The following GPR55 variants were observed in gnomAD, a reference collection of about 807,000 sequenced individuals.
The protein encoded by GPR55 is G protein-coupled receptor 55, also known as G-protein coupled receptor 55.
Under a neutral mutation model 7.9 loss-of-function variants are expected in GPR55, and 6 were observed. The observed-to-expected ratio is 0.76, with a 90% confidence interval of 0.41 to 1.49. GPR55 has a LOEUF of 1.49. Ranked by LOEUF, GPR55 falls within the 40% of genes most tolerant of loss-of-function variation. GPR55 has a pLI of 0.01. For synonymous variants in GPR55, 183 were observed against 166.8 expected (o/e 1.10, Z -0.75); for missense variants, 376 against 406.0 (o/e 0.93, Z 0.63).
chr2:230,938,124 G>A (rs1691161699), intron 1 of GPR55, among the ~76,000 whole-genome samples: 1 of 132,798 alleles, frequency 7.5e-6, no homozygotes, highest in Non-Finnish European at 1.6e-5. Context: ...TCCAGCCTGG[G>A]AGACAGAACA....
intron 1 of GPR55, among the ~76,000 whole-genome samples, chr2:230,952,898 C>T (rs1691426232): frequency 6.6e-6 from 1 of 152,218 alleles, no homozygotes; most frequent in Non-Finnish European, 1.5e-5. Flanking sequence ...CCGATGTCTG[C>T]GTCCTCTGCT....
At chr2:230,953,610 ATT>A (rs1245025854) in intron 1 of GPR55, among the ~76,000 whole-genome samples, 1 of 152,192 alleles carries the variant, frequency 6.6e-6, no homozygotes, top group East Asian at 1.9e-4. Flanking sequence ...AAGATAATAA[ATT>A]TGTGTTATTT....
upstream of GPR55, chr2:230,929,789 C>A (rs761356260): frequency 1.3e-5 from 2 of 152,242 alleles, no homozygotes; most frequent in African/African-American, 4.8e-5. Context: ...GGTCTCTGTA[C>A]GTCCCAAGTT....
intron 1 of GPR55, among the ~76,000 whole-genome samples, chr2:230,931,689 C>G (rs964107144): frequency 1.3e-5 from 2 of 152,182 alleles, no homozygotes; most frequent in African/African-American, 4.8e-5. Flanking sequence ...ACTTCACAGT[C>G]TGGCCTCACG....
chr2:230,909,703 A>G lies in GPR55; in HGVS notation c.*300T>C, dbSNP rs1270825076. 3.4e-6 allele frequency: 1 copy of G among 297,424 alleles called. No individual in the cohort carries two copies. The highest frequency in any genetic ancestry group is 6.3e-6 in the Non-Finnish European group (1 of 159,318). The allele number at this position is 297,424 out of a possible 1,614,324, so 18.4% of individuals were successfully genotyped here. A position where few individuals can be genotyped will look rare whatever the true frequency, so the allele number is the denominator to read the frequency against. ...GAGAGTTGGAAACAGCCTTGTTGAC[A>G]TGGTCTCATTCTCTTTCTCAATTCT... On this transcript the variant is annotated 3_prime_UTR_variant, in exon 2 of 2. Transcript: ENST00000650999.
intron 1 of GPR55, among the ~76,000 whole-genome samples, chr2:230,913,558 A>G (rs1036728018): frequency 6.6e-6 from 1 of 152,162 alleles, no homozygotes; most frequent in African/African-American, 2.4e-5. Flanking sequence ...AGGAAAAAAT[A>G]CTTCCTCTTA....
intron 1 of GPR55, among the ~76,000 whole-genome samples, chr2:230,951,025 C>T (rs1475831817): frequency 6.6e-6 from 1 of 152,170 alleles, no homozygotes; most frequent in East Asian, 1.9e-4. Context: ...CATCAGTGTC[C>T]TTTGTAACAT....
intron 1 of GPR55, among the ~76,000 whole-genome samples, chr2:230,917,840 C>A (rs183426400): frequency 2.5e-3 from 376 of 151,320 alleles, no homozygotes; most frequent in Non-Finnish European, 3.5e-3. Flanking sequence ...AAAATAATAA[C>A]AAAAATAATA....
At chr2:230,914,195 G>A (rs1054578646) in intron 1 of GPR55, among the ~76,000 whole-genome samples, 2 of 152,198 alleles carry the variant, frequency 1.3e-5, no homozygotes, top group Admixed American at 1.3e-4. Flanking sequence ...AACAACGGGA[G>A]GAAAGTGATC....
Position 230,910,273 on chromosome 2 carries a change from G to T in GPR55, c.690C>A (p.Ala230=). The change falls in exon 2 of 2, where the codon GCC becomes GCA. Residue 230 remains alanine (A), a synonymous_variant. Transcript: ENST00000650999. The surrounding 1 kb of genome is among the most constrained non-coding windows in gnomAD (Gnocchi z 5.4). ...AGGAGACCACGAAGACAGCCAGGCT[G>T]GCTGCGATGCTGTAGATGCAGGCTT... ...QQKACIYSIA[A]SLAVFVVSFL... 6.2e-7 allele frequency: 1 copy of T among 1,614,066 alleles called. No individual in the cohort carries two copies. The highest frequency in any genetic ancestry group is 8.5e-7 in the Non-Finnish European group (1 of 1,179,994).
intron 1 of GPR55, among the ~76,000 whole-genome samples, chr2:230,959,140 T>C (rs1309217958): frequency 6.6e-6 from 1 of 152,156 alleles, no homozygotes; most frequent in Non-Finnish European, 1.5e-5. Context: ...TTGTTGCCAG[T>C]GTTGTGGTTT....
intron 1 of GPR55, among the ~76,000 whole-genome samples, chr2:230,949,055 T>C (rs1282743427): frequency 6.6e-6 from 1 of 152,240 alleles, no homozygotes; most frequent in Non-Finnish European, 1.5e-5. Context: ...GGCAACAGAC[T>C]GAGACCCTGT....
chr2:230,910,190 A>G lies in GPR55; in HGVS notation c.773T>C (p.Val258Ala), dbSNP rs139698209. The change falls in exon 2 of 2, where the codon GTA becomes GCA. Residue 258 changes from valine (V) to alanine (A), a missense_variant. Coordinates refer to ENST00000650999, the MANE Select transcript of GPR55 (RefSeq NM_005683.4). The surrounding 1 kb of genome is among the most constrained non-coding windows in gnomAD (Gnocchi z 5.4). The part of the protein sequence containing the change: ...LQFLVRNSFI[V>A]ECRAKQSISF... ...GATGCTCTGCTTGGCTCTGCACTCT[A>G]CGATAAAGCTGTTTCTCACCAGGAA... The G allele has an allele frequency of 5.6e-6, 9 of 1,614,016 alleles. No homozygotes were observed. Among genetic ancestry groups the G allele is most frequent in the Admixed American group, 3.3e-5 (2 of 60,010 alleles).
chr2:230,947,503 C>CT (rs1324311132), intron 1 of GPR55, among the ~76,000 whole-genome samples: 4,131 of 135,302 alleles, frequency 0.031, 230 homozygotes, highest in African/African-American at 0.097. Flanking sequence ...ACTTTATGAC[C>CT]TTTTTTTTTT....
At chr2:230,956,243 C>T (rs1481591541) in intron 1 of GPR55, among the ~76,000 whole-genome samples, 26 of 152,080 alleles carry the variant, frequency 1.7e-4, no homozygotes, top group Non-Finnish European at 5.9e-5. Context: ...CAGCTCACTG[C>T]GACCTCTGCC....
At chr2:230,949,203 A>G (rs1157707747) in intron 1 of GPR55, among the ~76,000 whole-genome samples, 1 of 151,794 alleles carries the variant, frequency 6.6e-6, no homozygotes, top group Admixed American at 6.6e-5. Flanking sequence ...TCACTCTTCC[A>G]CCCAGGCTGG....
chr2:230,910,955 T>C lies in GPR55; in HGVS notation c.8A>G (p.Gln3Arg). 6.3e-7 allele frequency: 1 copy of C among 1,595,544 alleles called. No individual in the cohort carries two copies. Among genetic ancestry groups the C allele is most frequent in the Non-Finnish European group, 8.6e-7 (1 of 1,167,114 alleles). ...CAGGCAGTCCCCACTGGTGTTTTGC[T>C]GACTCATGTTTCTTCCTACAACACC... MS[Q>R]QNTSGDCLFD... The change falls in exon 2 of 2, where the codon CAG becomes CGG. Residue 3 changes from glutamine (Q) to arginine (R), a missense_variant. Physicochemically the swap from Gln to Arg is conservative, Grantham distance 43. Transcript: ENST00000650999. This position sits in a 1 kb window ranked among gnomAD's most constrained non-coding sequence, Gnocchi z 5.4.
At chr2:230,936,474 G>A (rs1486569371) in intron 1 of GPR55, among the ~76,000 whole-genome samples, 2 of 152,176 alleles carry the variant, frequency 1.3e-5, no homozygotes, top group African/African-American at 2.4e-5. Flanking sequence ...AGAAGGACAT[G>A]TTTGCTTCCC....
At chr2:230,935,119 A>G (rs1470996649) in intron 1 of GPR55, among the ~76,000 whole-genome samples, 1 of 152,202 alleles carries the variant, frequency 6.6e-6, no homozygotes. Flanking sequence ...AGATGGTGGC[A>G]GGACCCGCAG....
Sources: gnomAD v4.1 joint callset for allele counts (sites outside exome capture counted in the v4.1 genomes callset) on GRCh38, gnomAD v4.1.1 for gene constraint, Gnocchi (gnomAD v3.1) non-coding constraint, MANE v1.5 for transcripts, NCBI Gene and HGNC (gene_info 2026-07-23, HGNC 2026-07-21) for gene names.